Variants in PALM2AKAP2 observed in about 807,000 individuals in gnomAD.
PALM2AKAP2 encodes PALM2 and AKAP2 fusion.
Under a neutral mutation model 71.5 loss-of-function variants are expected in PALM2AKAP2, and 37 were observed. The observed-to-expected ratio is 0.52, with a 90% CI of 0.40 to 0.68. PALM2AKAP2 has a LOEUF of 0.68. PALM2AKAP2 is among the 30% of genes least tolerant of loss of function. PALM2AKAP2 has a pLI of 0.00. For synonymous variants in PALM2AKAP2, 468 were observed against 478.8 expected (o/e 0.98, Z 0.29); for missense variants, 1,224 against 1,191.8 (o/e 1.03, Z -0.40).
rs146909901 is a variant in PALM2AKAP2, at chr9:109,680,034, A to G, written c.5+39168A>G. Among the ~76,000 whole-genome samples, 4 of 152,290 alleles carry G rather than the reference A, an allele frequency of 2.6e-5. No homozygotes were observed. The East Asian group carries it at 7.7e-4, about 29-fold the overall frequency. ...AAAAGGAGAGAGTTTTTCAACTCAT[A>G]TGTGCTAATGTTACTTTATATTTGG... On this transcript the variant is annotated intron_variant, in intron 1 of 6. Coordinates refer to the PALM2AKAP2 transcript ENST00000374531.
rs1445397344 is a variant in PALM2AKAP2 at position 110,111,567 on chromosome 9, C to T, written c.157-24560C>T. Among the ~76,000 whole-genome samples, 4 of 152,134 alleles carry T rather than the reference C, an allele frequency of 2.6e-5. No individual in the cohort carries two copies. In the East Asian group the frequency reaches 7.7e-4, roughly 29 times the overall value. ...ACAGCCTTTGCAGATAAAGTCTTTG[C>T]CTTGCTTTCCCATCCCCTAACGGCA... On this transcript the variant is annotated intron_variant, in intron 1 of 3. Coordinates refer to ENST00000374525, the Ensembl canonical transcript of PALM2AKAP2.
rs190424880 is a variant in PALM2AKAP2, at chr9:109,998,061, G to A, written c.497-17893G>A. 6.4e-3 allele frequency among the ~76,000 whole-genome samples: 969 copies of A among 152,352 alleles called. 6 individuals carry two copies. Among genetic ancestry groups the A allele is most frequent in the Non-Finnish European group, 0.01 (705 of 68,030 alleles). ...AAGAGGAAGAGAAATAACTGGCCAA[G>A]TCTCAATGTGATGGCTGTCTGTGCA... On this transcript the variant is annotated intron_variant, in intron 6 of 9. Coordinates refer to the PALM2AKAP2 transcript ENST00000302798.
chr9:109,706,695 G>T (rs1169840932), intron 1 of PALM2AKAP2, among the ~76,000 whole-genome samples: 1 of 152,046 alleles, frequency 6.6e-6, no homozygotes, highest in Non-Finnish European at 1.5e-5. Flanking sequence ...AAGAAAATTT[G>T]GTATGTCCAT....
chr9:110,058,609 T>A (rs1833895542), intron 1 of PALM2AKAP2, among the ~76,000 whole-genome samples: 1 of 152,124 alleles, frequency 6.6e-6, no homozygotes. Context: ...GTTTCTACCA[T>A]CTTTTCCTCC....
chr9:109,764,819 TTA>T (rs1491474365), intron 1 of PALM2AKAP2, among the ~76,000 whole-genome samples: 1 of 40,300 alleles, frequency 2.5e-5, no homozygotes, highest in East Asian at 3.7e-3. Context: ...TGAATATTTT[TTA>T]AAAAAAAGAA....
intron 7 of PALM2AKAP2, among the ~76,000 whole-genome samples, chr9:110,035,666 GTTGTGTGTTATATATAACATATATAGGA>G (rs1833386251): frequency 8.5e-6 from 1 of 117,914 alleles, no homozygotes; most frequent in Non-Finnish European, 1.7e-5. Flanking sequence ...TATAGGATAT[GTTGTGTGTTATATATAACATATATAGGA>G]TATGTTGTGT....
At chr9:110,026,541 G>C (rs146780356) in intron 7 of PALM2AKAP2, among the ~76,000 whole-genome samples, 118 of 152,200 alleles carry the variant, frequency 7.8e-4, no homozygotes, top group African/African-American at 2.7e-3. Flanking sequence ...TACATTCAAA[G>C]TGTTCTGTAA....
chr9:109,917,484 CTTTTTTTT>C (rs59106508), intron 3 of PALM2AKAP2, among the ~76,000 whole-genome samples: 5 of 111,440 alleles, frequency 4.5e-5, no homozygotes, highest in South Asian at 3.1e-4. Flanking sequence ...CGCTCCTTTC[CTTTTTTTT>C]TTTTTTTTTT....
chr9:109,787,083 A>G (rs1826992395), intron 1 of PALM2AKAP2, among the ~76,000 whole-genome samples: 2 of 151,698 alleles, frequency 1.3e-5, no homozygotes, highest in Admixed American at 6.6e-5. Flanking sequence ...GGTGGTCCCA[A>G]GGGCTGTCAT....
intron 1 of PALM2AKAP2, among the ~76,000 whole-genome samples, chr9:109,830,002 C>T (rs972856350): frequency 6.6e-6 from 1 of 152,154 alleles, no homozygotes; most frequent in African/African-American, 2.4e-5. Context: ...GTGGGAGATG[C>T]ATGAATTACC....
intron 1 of PALM2AKAP2, among the ~76,000 whole-genome samples, chr9:110,055,202 A>C (rs963112129): frequency 6.7e-6 from 1 of 148,294 alleles, no homozygotes; most frequent in Non-Finnish European, 1.5e-5. Flanking sequence ...TTATTTATTT[A>C]TTTATTTTTT....
intron 1 of PALM2AKAP2, among the ~76,000 whole-genome samples, chr9:110,110,542 C>CTTT (rs559402514): frequency 0.011 from 1,040 of 95,284 alleles, 27 homozygotes; most frequent in Non-Finnish European, 0.013. Flanking sequence ...TTTCTGAACT[C>CTTT]TTTTTTTTTT....
chr9:109,892,750 T>G (rs969685327), intron 3 of PALM2AKAP2, among the ~76,000 whole-genome samples: 28 of 152,066 alleles, frequency 1.8e-4, no homozygotes, highest in Admixed American at 3.3e-4. Flanking sequence ...GTTCTTTAGC[T>G]TCTCTCTACT....
rs986748873 is a variant in PALM2AKAP2 at position 109,919,841 on chromosome 9, C to T, written c.258-3894C>T. On this transcript the variant is annotated intron_variant, in intron 3 of 9. Coordinates refer to the PALM2AKAP2 transcript ENST00000302798. ...ATTACCACAATAATGCTAACTAACA[C>T]GCCCTCAAATTCAGTGGCTTAAACC... 7.2e-5 allele frequency among the ~76,000 whole-genome samples: 11 copies of T among 152,138 alleles called. No homozygotes were observed. In the East Asian group the frequency reaches 1.5e-3, roughly 21 times the overall value.
chr9:109,852,430 C>T (rs1028341112), intron 1 of PALM2AKAP2, among the ~76,000 whole-genome samples: 1 of 152,112 alleles, frequency 6.6e-6, no homozygotes, highest in African/African-American at 2.4e-5. Context: ...TTTCTTTATC[C>T]AATACACTGT....
At chr9:109,809,101 T>C (rs527551715) in intron 1 of PALM2AKAP2, among the ~76,000 whole-genome samples, 123 of 152,220 alleles carry the variant, frequency 8.1e-4, no homozygotes, top group African/African-American at 2.6e-3. Flanking sequence ...GGAAAGGAAA[T>C]GTGGGATTGT....
intron 1 of PALM2AKAP2, among the ~76,000 whole-genome samples, chr9:109,730,089 G>C (rs941837535): frequency 6.6e-6 from 1 of 152,148 alleles, no homozygotes; most frequent in Non-Finnish European, 1.5e-5. Context: ...TTTTGGAACT[G>C]GGTGTTCAAG....
intron 1 of PALM2AKAP2, among the ~76,000 whole-genome samples, chr9:110,070,738 A>T (rs1219033866): frequency 6.6e-6 from 1 of 152,148 alleles, no homozygotes; most frequent in African/African-American, 2.4e-5. Flanking sequence ...TGGCTTTGGG[A>T]TCTATGCGAC....
At chr9:110,106,150 G>A (rs1002611819) in intron 1 of PALM2AKAP2, among the ~76,000 whole-genome samples, 4 of 152,170 alleles carry the variant, frequency 2.6e-5, no homozygotes, top group Non-Finnish European at 5.9e-5. Flanking sequence ...CTTCTTTAGC[G>A]AACATGATTT....
Sources: gnomAD v4.1 joint callset for allele counts (sites outside exome capture counted in the v4.1 genomes callset) on GRCh38, gnomAD v4.1.1 for gene constraint, MANE v1.5 for transcripts, NCBI Gene and HGNC (gene_info 2026-07-23, HGNC 2026-07-21) for gene names.